Variants in TNFAIP8 observed in about 807,000 individuals in gnomAD.
TNFAIP8 encodes tumor necrosis factor alpha-induced protein 8.
In TNFAIP8, 7 loss-of-function variants were observed where a neutral mutation model predicts 13.3. The observed-to-expected ratio is 0.52, with a 90% CI of 0.30 to 0.99. The LOEUF (loss-of-function observed/expected upper bound fraction) is 0.99. Among genes scored for constraint, TNFAIP8 ranks in the 50% least tolerant of loss-of-function variants. TNFAIP8 has a pLI of 0.07. For missense variants in TNFAIP8, 258 were observed against 236.9 expected (o/e 1.09, Z -0.58); for synonymous variants, 94 against 87.6 (o/e 1.07, Z -0.41).
intron 1 of TNFAIP8, among the ~76,000 whole-genome samples, chr5:119,367,790 A>G (rs1220891684): frequency 1.3e-5 from 2 of 152,180 alleles, no homozygotes; most frequent in African/African-American, 4.8e-5. Flanking sequence ...ACTCATTTCA[A>G]CATGTCTGAT....
chr5:119,355,101 T>G, upstream of TNFAIP8: 9 of 531,616 alleles, frequency 1.7e-5, no homozygotes, highest in Admixed American at 3.3e-5. Context: ...TCTCAGCCAA[T>G]TTGTAGGGGC....
chr5:119,334,139 C>CAAAAAAAAAAAAAAAA (rs57346323), intron 1 of TNFAIP8, among the ~76,000 whole-genome samples: 1 of 104,454 alleles, frequency 9.6e-6, no homozygotes, highest in Admixed American at 9.7e-5. Flanking sequence ...CTCTAACAAC[C>CAAAAAAAAAAAAAAAA]AAAAAAAAAA....
intron 1 of TNFAIP8, among the ~76,000 whole-genome samples, chr5:119,293,559 G>T (rs568198363): frequency 6.6e-6 from 1 of 152,278 alleles, no homozygotes; most frequent in East Asian, 1.9e-4. Flanking sequence ...ATTCCATTGT[G>T]TATGTGTACT....
At chr5:119,369,207 C>T (rs895986732) in intron 1 of TNFAIP8, among the ~76,000 whole-genome samples, 2 of 152,022 alleles carry the variant, frequency 1.3e-5, no homozygotes, top group Non-Finnish European at 2.9e-5. Context: ...GCACCCATGA[C>T]CATGCCCAGC....
In TNFAIP8 at chr5:119,280,830, A is replaced by G. The variant is rs143593253; in HGVS notation, c.1+11923A>G. ...AATTCACATAGGAAAGGGATGATAA[A>G]TGCTTGATTCTTTCCTTTGATTTAC... On this transcript the variant is annotated intron_variant, in intron 1 of 1. Transcript: ENST00000274456. Among the ~76,000 whole-genome samples, 9 of 152,250 alleles carry G rather than the reference A, an allele frequency of 5.9e-5. No homozygotes were observed. The East Asian group carries it at 1.5e-3, about 26-fold the overall frequency.
intron 1 of TNFAIP8, among the ~76,000 whole-genome samples, chr5:119,299,327 T>A (rs369932189): frequency 1.8e-4 from 28 of 152,274 alleles, no homozygotes; most frequent in African/African-American, 5.1e-4. Flanking sequence ...CTTCTAACAG[T>A]CAGGACCCTC....
At chr5:119,294,543 G>A (rs1313077317) in intron 1 of TNFAIP8, among the ~76,000 whole-genome samples, 1 of 152,076 alleles carries the variant, frequency 6.6e-6, no homozygotes, top group African/African-American at 2.4e-5. Flanking sequence ...ATGATTTATA[G>A]TCCTTTGGGT....
At chr5:119,277,516 C>T (rs1298476879) in intron 1 of TNFAIP8, among the ~76,000 whole-genome samples, 1 of 152,124 alleles carries the variant, frequency 6.6e-6, no homozygotes, top group African/African-American at 2.4e-5. Context: ...GTCTGTGTGT[C>T]CAGCTCTCCT....
chr5:119,313,433 T>G (rs78612066), intron 1 of TNFAIP8, among the ~76,000 whole-genome samples: 15 of 152,128 alleles, frequency 9.9e-5, no homozygotes, highest in African/African-American at 3.6e-4. Flanking sequence ...TTCACTTTCT[T>G]GAGACCACCA....
chr5:119,382,584 C>T (rs1300850583), intron 1 of TNFAIP8, among the ~76,000 whole-genome samples: 1 of 152,174 alleles, frequency 6.6e-6, no homozygotes, highest in Non-Finnish European at 1.5e-5. Context: ...TAATTGCTTA[C>T]ATCAGTTGAC....
At chr5:119,304,039 A>G (rs1042810479) in intron 1 of TNFAIP8, among the ~76,000 whole-genome samples, 8 of 151,986 alleles carry the variant, frequency 5.3e-5, no homozygotes, top group Non-Finnish European at 1.2e-4. Flanking sequence ...CGATCTTTCT[A>G]CGATACAGAT....
At chr5:119,359,448 A>G (rs1192160293) in intron 1 of TNFAIP8, among the ~76,000 whole-genome samples, 1 of 152,058 alleles carries the variant, frequency 6.6e-6, no homozygotes, top group African/African-American at 2.4e-5. Flanking sequence ...GGGAAAAACA[A>G]TGTCTGTTTT....
At chr5:119,391,294 C>A (rs1009414440) in intron 1 of TNFAIP8, 1 of 682,664 alleles carries the variant, frequency 1.5e-6, no homozygotes, top group African/African-American at 1.8e-5. Context: ...GATGCCTTGA[C>A]TCATTTGTAT....
intron 1 of TNFAIP8, among the ~76,000 whole-genome samples, chr5:119,347,900 G>A (rs1392456996): frequency 2.6e-5 from 4 of 152,180 alleles, no homozygotes; most frequent in Non-Finnish European, 5.9e-5. Context: ...GAAACTCAAT[G>A]CCAAAATCAA....
intron 1 of TNFAIP8, among the ~76,000 whole-genome samples, chr5:119,281,565 ACTAC>A (rs1748631401): frequency 6.6e-6 from 1 of 152,220 alleles, no homozygotes; most frequent in Admixed American, 6.5e-5. Flanking sequence ...TGACATTAAT[ACTAC>A]CATTACCAGC....
intron 1 of TNFAIP8, chr5:119,391,408 C>T (rs1206981958): frequency 2.8e-6 from 2 of 702,282 alleles, no homozygotes; most frequent in Non-Finnish European, 5.2e-6. Flanking sequence ...ACAGTTGCCA[C>T]TCGACTCAGA....
At chr5:119,390,380 G>A (rs2112863116) in intron 1 of TNFAIP8, among the ~76,000 whole-genome samples, 1 of 152,222 alleles carries the variant, frequency 6.6e-6, no homozygotes, top group African/African-American at 2.4e-5. Flanking sequence ...ATGTGATACT[G>A]TTAGCTACAT....
chr5:119,349,507 G>T (rs974498596), intron 1 of TNFAIP8, among the ~76,000 whole-genome samples: 2 of 152,194 alleles, frequency 1.3e-5, no homozygotes, highest in African/African-American at 4.8e-5. Context: ...TGCAAATGAG[G>T]CACAGCCAGT....
intron 1 of TNFAIP8, among the ~76,000 whole-genome samples, chr5:119,365,330 G>T (rs1484990454): frequency 1.3e-5 from 2 of 152,162 alleles, no homozygotes; most frequent in Non-Finnish European, 2.9e-5. Context: ...TATTAACTAG[G>T]ATTTGGGCCA....
Sources: allele counts gnomAD v4.1 joint callset (sites outside exome capture counted in the v4.1 genomes callset), GRCh38; gene constraint gnomAD v4.1.1; transcripts MANE v1.5; gene names NCBI Gene and HGNC (gene_info 2026-07-23, HGNC 2026-07-21).